SIK2: variants seen among roughly 807,000 people sequenced by gnomAD.
SIK2 encodes the protein salt inducible kinase 2.
Under a neutral mutation model 103.2 loss-of-function variants are expected in SIK2, and 29 were observed. That is an observed-to-expected ratio of 0.28 (90% CI 0.21 to 0.38). The LOEUF (loss-of-function observed/expected upper bound fraction) is 0.38, where lower values mean the gene tolerates loss of function less well. Among genes scored for constraint, SIK2 ranks in the 10% least tolerant of loss-of-function variants. The pLI is 1.00. For missense variants in SIK2, 879 were observed against 1,171.0 expected (o/e 0.75, Z 3.64); for synonymous variants, 412 against 446.1 (o/e 0.92, Z 0.96).
chr11:111,709,346 A>T (rs1943435717), intron 8 of SIK2, among the ~76,000 whole-genome samples: 1 of 152,232 alleles, frequency 6.6e-6, no homozygotes, highest in Non-Finnish European at 1.5e-5. Context: ...GTCTCCAGAT[A>T]TAGCCACATT....
rs1366503543 is a variant in SIK2 at position 111,726,287 on chromosome 11, G to GCCA, written c.*2159_*2161dup. 6.6e-6 allele frequency: 1 copy of GCCA among 152,224 alleles called. No homozygotes were observed. Among genetic ancestry groups the GCCA allele is most frequent in the Non-Finnish European group, 1.5e-5 (1 of 68,058 alleles). 9.4% of individuals were successfully genotyped at this position (152,224 alleles called of 1,614,324 possible). On this transcript the variant is annotated 3_prime_UTR_variant, in exon 15 of 15. Transcript: ENST00000304987. ...ACATAAACTCCTGCCCCCCAACAAT[G>GCCA]CCATGAGCTGCTTAGCCCAGGAGAC... is the stretch of plus-strand genomic sequence containing the variant.
chr11:111,623,193 G>T (rs1941917435), intron 3 of SIK2, among the ~76,000 whole-genome samples: 1 of 152,030 alleles, frequency 6.6e-6, no homozygotes, highest in Non-Finnish European at 1.5e-5. Context: ...CAGTGTATTT[G>T]TCATCTCAGA....
chr11:111,622,755 T>C (rs1941908505), intron 3 of SIK2, among the ~76,000 whole-genome samples: 1 of 152,142 alleles, frequency 6.6e-6, no homozygotes, highest in Admixed American at 6.5e-5. Context: ...GCACTGTTTC[T>C]GACAAAAAAA....
chr11:111,718,940 G>T (rs1484854991), intron 9 of SIK2: 1 of 152,292 alleles, frequency 6.6e-6, no homozygotes, highest in East Asian at 1.9e-4. Flanking sequence ...CCAGTATGCT[G>T]TTCTGCCTGC....
chr11:111,668,101 G>T (rs1302586167), intron 3 of SIK2, among the ~76,000 whole-genome samples: 3 of 152,136 alleles, frequency 2.0e-5, no homozygotes, highest in South Asian at 2.1e-4. Flanking sequence ...TTACAGTGAG[G>T]AGGGTGGAGA....
In SIK2 at chr11:111,720,760, A is replaced by C. The variant is rs1388909979; in HGVS notation, c.1778A>C (p.Gln593Pro). 6.3e-7 allele frequency: 1 copy of C among 1,585,074 alleles called. No homozygotes were observed. The highest frequency in any genetic ancestry group is 8.6e-7 in the Non-Finnish European group (1 of 1,166,334). The change falls in exon 11 of 15, where the codon CAG becomes CCG. Residue 593 changes from glutamine to proline, a missense_variant and splice_region_variant. By Grantham distance (76) the Gln-to-Pro change is moderately conservative. Around this residue, in one of 7 missense-constraint regions of SIK2, gnomAD observed 375 missense variants for 416.3 expected, o/e 0.90. Transcript: ENST00000304987. ...AGAGCATCAGATACCTCCCTCACCC[A>C]GGGTGAGCACTTCCTCCTCTGCTTT... ...GRRASDTSLT[Q>P]GIVAFRQHLQ...
At chr11:111,619,564 C>T (rs1322160798) in intron 2 of SIK2, among the ~76,000 whole-genome samples, 2 of 152,022 alleles carry the variant, frequency 1.3e-5, no homozygotes, top group Non-Finnish European at 2.9e-5. Flanking sequence ...AGGCTGGTGT[C>T]GAACTCCTGA....
intron 3 of SIK2, among the ~76,000 whole-genome samples, chr11:111,637,706 C>T (rs1333445039): frequency 6.6e-6 from 1 of 152,124 alleles, no homozygotes; most frequent in East Asian, 1.9e-4. Flanking sequence ...AAGCAATCCA[C>T]TCACCTCAGC....
intron 1 of SIK2, among the ~76,000 whole-genome samples, chr11:111,604,041 A>C (rs555207720): frequency 4.4e-4 from 67 of 152,354 alleles, no homozygotes; most frequent in Non-Finnish European, 7.6e-4. Flanking sequence ...AACCAGTCCA[A>C]ATCTGACTTA....
intron 8 of SIK2, among the ~76,000 whole-genome samples, chr11:111,710,913 C>T (rs568102164): frequency 2.6e-5 from 4 of 152,204 alleles, no homozygotes; most frequent in South Asian, 2.1e-4. Context: ...TAACTATAGC[C>T]GGAAAAATAC....
At chr11:111,680,076 C>T (rs1444083230) in intron 3 of SIK2, among the ~76,000 whole-genome samples, 1 of 150,262 alleles carries the variant, frequency 6.7e-6, no homozygotes, top group Non-Finnish European at 1.5e-5. Flanking sequence ...GAGCCGAGAT[C>T]ACACCATTGC....
intron 3 of SIK2, among the ~76,000 whole-genome samples, chr11:111,681,788 A>G (rs929898415): frequency 6.6e-6 from 1 of 152,210 alleles, no homozygotes; most frequent in African/African-American, 2.4e-5. Context: ...AAAAATCACA[A>G]TTTTGCAACC....
intron 9 of SIK2, among the ~76,000 whole-genome samples, chr11:111,713,092 G>A (rs1943546277): frequency 6.6e-6 from 1 of 152,166 alleles, no homozygotes; most frequent in South Asian, 2.1e-4. Flanking sequence ...TTGAGCCCAG[G>A]GGGCCGAGGT....
Position 111,688,283 on chromosome 11 carries a change from A to T in SIK2, c.478+121A>T. ...CTACCTGATGACATCAGGCTATCTC[A>T]AAGTCCATTTTATTCATTTCCTTAG... is the stretch of plus-strand genomic sequence containing the variant. On this transcript the variant is annotated intron_variant, in intron 4 of 14. Coordinates refer to ENST00000304987, the MANE Select transcript of SIK2 (RefSeq NM_015191.3). The surrounding 1 kb of genome is among the most constrained non-coding windows in gnomAD (Gnocchi z 4.2). 1 of 944,418 alleles carries T rather than the reference A, an allele frequency of 1.1e-6. No individual in the cohort carries two copies. The highest frequency in any genetic ancestry group is 1.6e-5 in the South Asian group (1 of 62,062). 58.5% of individuals were successfully genotyped at this position (944,418 alleles called of 1,614,324 possible).
At chr11:111,703,530 C>A in intron 7 of SIK2, 107 bp downstream of exon 7, 1 of 935,922 alleles carries the variant, frequency 1.1e-6, no homozygotes, top group Non-Finnish European at 1.6e-6. Flanking sequence ...AGCGCCTAGG[C>A]GTACTGTTCA....
chr11:111,604,972 T>A (rs996427021), intron 1 of SIK2, among the ~76,000 whole-genome samples: 1 of 151,652 alleles, frequency 6.6e-6, no homozygotes, highest in African/African-American at 2.4e-5. Context: ...TTTTTTTTTT[T>A]TTTGAGACGG....
chr11:111,658,748 A>G (rs565281873), intron 3 of SIK2, among the ~76,000 whole-genome samples: 17 of 151,994 alleles, frequency 1.1e-4, no homozygotes, highest in Admixed American at 3.9e-4. Context: ...CACAAAAAAA[A>G]AAGAAGAAGA....
chr11:111,700,571 C>A (rs1255442594), intron 4 of SIK2, among the ~76,000 whole-genome samples: 1 of 152,202 alleles, frequency 6.6e-6, no homozygotes, highest in East Asian at 1.9e-4. Flanking sequence ...CTAAGATTAT[C>A]AAATACTAGT....
At chr11:111,670,561 A>G (rs1387686201) in intron 3 of SIK2, among the ~76,000 whole-genome samples, 1 of 152,228 alleles carries the variant, frequency 6.6e-6, no homozygotes, top group Non-Finnish European at 1.5e-5. Context: ...CATGAGGTAA[A>G]CTGTTGGGAA....
Sources: gnomAD v4.1 joint callset for allele counts (sites outside exome capture counted in the v4.1 genomes callset) on GRCh38, gnomAD v4.1.1 for gene constraint, gnomAD v4.1.1 regional missense constraint, Gnocchi (gnomAD v3.1) non-coding constraint, MANE v1.5 for transcripts, NCBI Gene and HGNC (gene_info 2026-07-23, HGNC 2026-07-21) for gene names.